Variants in GALNT12 observed in about 807,000 individuals in gnomAD.
GALNT12 encodes the protein UDP-GalNAc:polypeptide N-acetylgalactosaminyltransferase 12.
A neutral mutation model predicts 55.5 loss-of-function variants in GALNT12; 45 were observed. The ratio of observed to expected loss-of-function variants is 0.81; its 90% CI spans 0.64 to 1.04. The LOEUF (loss-of-function observed/expected upper bound fraction) is 1.04, where lower values mean the gene tolerates loss of function less well. Ranked by LOEUF, GALNT12 falls within the 50% of genes least tolerant of loss-of-function variation. The pLI is 0.00. For missense variants in GALNT12, 709 were observed against 754.8 expected, an observed-to-expected ratio of 0.94 and a Z score of 0.71; for synonymous variants, 304 against 312.2, an observed-to-expected ratio of 0.97 and a Z score of 0.28.
chr9:98,822,357 G>A (rs1256387005), intron 1 of GALNT12, among the ~76,000 whole-genome samples: 1 of 152,198 alleles, frequency 6.6e-6, no homozygotes, highest in African/African-American at 2.4e-5. Flanking sequence ...CCGTGACACT[G>A]GGAATTTGTC....
chr9:98,812,388 C>T (rs1044884490), intron 1 of GALNT12, among the ~76,000 whole-genome samples: 31 of 151,860 alleles, frequency 2.0e-4, no homozygotes, highest in Admixed American at 1.8e-3. Flanking sequence ...GTCAGGAGTT[C>T]GAGATTAGCC....
rs73652674 is a variant in GALNT12, at chr9:98,849,418, C to G, written c.*326C>G. On this transcript the variant is annotated 3_prime_UTR_variant, in exon 10 of 10. Coordinates refer to ENST00000375011, the MANE Select transcript of GALNT12 (RefSeq NM_024642.5). ...ATATTTTACAGTCGTGCCTTTTACT[C>G]TCATTAGCAAAAAAGATAAAGATTT... The G allele has an allele frequency of 1.3e-3, 673 of 533,452 alleles. 5 individuals carry two copies. Among genetic ancestry groups the G allele is most frequent in the African/African-American group, 0.012 (607 of 52,510 alleles). The allele number at this position is 533,452 out of a possible 1,614,324, so 33.0% of individuals were successfully genotyped here. A position where few individuals can be genotyped will look rare whatever the true frequency, so the allele number is the denominator to read the frequency against.
intron 1 of GALNT12, among the ~76,000 whole-genome samples, chr9:98,816,871 G>A (rs1317798120): frequency 6.7e-6 from 1 of 148,394 alleles, no homozygotes; most frequent in Non-Finnish European, 1.5e-5. Flanking sequence ...TGCCCAGGCT[G>A]GAGTGCAGTG....
At chr9:98,832,088 G>T in intron 4 of GALNT12, 131 bp downstream of exon 4, 1 of 766,438 alleles carries the variant, frequency 1.3e-6, no homozygotes, top group South Asian at 1.5e-5. Flanking sequence ...CCACTTTTTT[G>T]CCCAGAGTAT....
At chr9:98,845,598 G>C (rs1228855575) in intron 8 of GALNT12, among the ~76,000 whole-genome samples, 1 of 152,132 alleles carries the variant, frequency 6.6e-6, no homozygotes, top group African/African-American at 2.4e-5. Context: ...AGGAAAAGGA[G>C]AGGAAGTAGC....
chr9:98,844,000 C>G (rs2118492928), intron 7 of GALNT12, 96 bp from the exon 8 acceptor site: 705 of 785,120 alleles, frequency 9.0e-4, no homozygotes, highest in Non-Finnish European at 1.5e-3. Context: ...TTGAAGCAGG[C>G]TCTCCTCTCA....
chr9:98,832,492 C>G (rs542702862), intron 4 of GALNT12, among the ~76,000 whole-genome samples: 1 of 152,026 alleles, frequency 6.6e-6, no homozygotes, highest in East Asian at 1.9e-4. Context: ...GTACTGCAGC[C>G]GGGCGATAGA....
intron 4 of GALNT12, among the ~76,000 whole-genome samples, chr9:98,833,149 G>A (rs1157973010): frequency 6.6e-6 from 1 of 152,142 alleles, no homozygotes; most frequent in African/African-American, 2.4e-5. Flanking sequence ...CATTCTGGAG[G>A]TTTTGAAGTG....
intron 7 of GALNT12, among the ~76,000 whole-genome samples, chr9:98,843,259 A>G (rs529445253): frequency 6.4e-4 from 97 of 152,328 alleles, no homozygotes; most frequent in African/African-American, 2.2e-3. Flanking sequence ...AAATAGTTTC[A>G]AGATAATTAA....
chr9:98,844,388 A>G (rs557787954), intron 8 of GALNT12, 179 bp downstream of exon 8: 7 of 614,836 alleles, frequency 1.1e-5, no homozygotes, highest in Non-Finnish European at 2.0e-5. Flanking sequence ...CATTTTTTAC[A>G]CATAACACAC....
At chr9:98,835,484 A>G in intron 5 of GALNT12, 118 bp downstream of exon 5, 1 of 777,024 alleles carries the variant, frequency 1.3e-6, no homozygotes, top group Non-Finnish European at 2.4e-6. Flanking sequence ...ATATCCTATA[A>G]ACATGCTTGC....
At chr9:98,833,413 G>A (rs549990817) in intron 4 of GALNT12, among the ~76,000 whole-genome samples, 49 of 152,204 alleles carry the variant, frequency 3.2e-4, no homozygotes, top group Non-Finnish European at 5.0e-4. Flanking sequence ...GGAGAGATGG[G>A]CGGGGCCAAG....
rs779959875 is a variant in GALNT12, at chr9:98,831,805, G to A, written c.765G>A (p.Pro255=). ...AAGAGGAGTCGGCAGTGGTGTGCCCGGTGATTGATGTGATCGACTGGAACA... is the reference window on the plus strand; with the variant it reads ...AAGAGGAGTCGGCAGTGGTGTGCCCAGTGATTGATGTGATCGACTGGAACA... The part of the protein sequence containing the change: ...IHEEESAVVC[P]VIDVIDWNTF... The change falls in exon 4 of 10, where the codon CCG becomes CCA. Residue 255 remains proline (P), a synonymous_variant. Coordinates refer to ENST00000375011, the MANE Select transcript of GALNT12 (RefSeq NM_024642.5). 133 of 1,614,058 alleles carry A rather than the reference G, an allele frequency of 8.2e-5. No individual in the cohort carries two copies. The highest frequency in any genetic ancestry group is 5.1e-4 in the East Asian group (23 of 44,894).
rs765159046 is a variant in GALNT12 at position 98,836,921 on chromosome 9, C to A, written c.1036-51C>A. 4 of 1,582,906 alleles carry A rather than the reference C, an allele frequency of 2.5e-6. No individual in the cohort carries two copies. In the African/African-American group the frequency reaches 4.0e-5, roughly 16 times the overall value. The stretch of plus-strand genomic sequence containing the variant: ...CTCTTTGCTGCAGATACTATGGACC[C>A]GCAGCTCATCCCCTGCTCACCACCT... On this transcript the variant is annotated intron_variant, in intron 5 of 9. Coordinates refer to ENST00000375011, the MANE Select transcript of GALNT12 (RefSeq NM_024642.5).
rs533437036 is a variant in GALNT12 at position 98,842,520 on chromosome 9, T to G, written c.1345-1576T>G. On this transcript the variant is annotated intron_variant, in intron 7 of 9. Coordinates refer to ENST00000375011, the MANE Select transcript of GALNT12 (RefSeq NM_024642.5). ...ATCTTTTTAAAAAATATATGAAAAT[T>G]GTTTTTGGCCAGTGGGAGTCCCTTT... Among the ~76,000 whole-genome samples the G allele has an allele frequency of 1.5e-3, 227 of 152,216 alleles. 3 individuals are homozygous for G. Among genetic ancestry groups the G allele is most frequent in the African/African-American group, 4.8e-3 (200 of 41,516 alleles).
At chr9:98,816,737 G>A (rs1387049631) in intron 1 of GALNT12, among the ~76,000 whole-genome samples, 4 of 139,358 alleles carry the variant, frequency 2.9e-5, no homozygotes, top group African/African-American at 1.1e-4. Context: ...TGCCACCCCC[G>A]CCTCCCTGAC....
intron 7 of GALNT12, among the ~76,000 whole-genome samples, chr9:98,843,815 G>A (rs1836352534): frequency 6.6e-6 from 1 of 152,186 alleles, no homozygotes; most frequent in African/African-American, 2.4e-5. Flanking sequence ...CAGTAAGGCT[G>A]CTACTAATGA....
intron 7 of GALNT12, among the ~76,000 whole-genome samples, chr9:98,843,189 A>C (rs1836334800): frequency 6.6e-6 from 1 of 152,196 alleles, no homozygotes; most frequent in Non-Finnish European, 1.5e-5. Flanking sequence ...TACCCTGAAA[A>C]TCTTGGTTTT....
At position 98,823,411 on chromosome 9, in the gene GALNT12, A is replaced by T; in HGVS notation, c.527A>T (p.Asp176Val). 1.2e-6 allele frequency: 2 copies of T among 1,614,136 alleles called. No homozygotes were observed. Among genetic ancestry groups the T allele is most frequent in the Admixed American group, 3.3e-5 (2 of 60,024 alleles). Residue 176 changes from aspartate to valine, a missense_variant, in exon 2 of 10, where the codon GAC becomes GTC. By Grantham distance (152) the Asp-to-Val change is radical. This residue lies in a region of GALNT12 where 315 missense variants were observed against 288.6 expected (regional missense o/e 1.09). Coordinates refer to ENST00000375011, the MANE Select transcript of GALNT12 (RefSeq NM_024642.5). ...ILLEEVILVD[D>V]YSDREHLKER... is the part of the protein sequence containing the mutation. ...CTAGAAGAAGTGATCCTTGTAGATG[A>T]CTACAGTGATAGAGGTGAGTCCCGG...
Sources: gnomAD v4.1 joint callset for allele counts (sites outside exome capture counted in the v4.1 genomes callset) on GRCh38, gnomAD v4.1.1 for gene constraint, gnomAD v4.1.1 regional missense constraint, MANE v1.5 for transcripts, NCBI Gene and HGNC (gene_info 2026-07-23, HGNC 2026-07-21) for gene names.